The following FGF14 variants were observed in gnomAD, a reference collection of about 807,000 sequenced individuals.
FGF14 encodes the protein fibroblast growth factor 14, also known as fibroblast growth factor homologous factor 4.
In FGF14, 5 loss-of-function variants were observed where a neutral mutation model predicts 25.5. That is an observed-to-expected ratio of 0.20 (90% CI 0.10 to 0.41). FGF14 has a LOEUF of 0.41. Ranked by LOEUF, FGF14 falls within the 10% of genes least tolerant of loss-of-function variation. The pLI, the probability that FGF14 is intolerant of heterozygous loss-of-function variation, is 1.00. For missense variants in FGF14, 222 were observed against 320.1 expected (o/e 0.69, Z 2.34); for synonymous variants, 138 against 118.3 (o/e 1.17, Z -1.08).
chr13:102,086,055 T>A (rs1216881216), intron 1 of FGF14, among the ~76,000 whole-genome samples: 1 of 152,228 alleles, frequency 6.6e-6, no homozygotes, highest in Middle Eastern at 3.2e-3. Context: ...CTACTGCTTT[T>A]AAAACCCATG....
At chr13:101,948,094 G>A (rs143242938) in intron 1 of FGF14, among the ~76,000 whole-genome samples, 9 of 152,282 alleles carry the variant, frequency 5.9e-5, no homozygotes, top group Non-Finnish European at 7.4e-5. Flanking sequence ...AATTCTTAGC[G>A]TTGTAGTCAA....
intron 1 of FGF14, among the ~76,000 whole-genome samples, chr13:102,212,824 G>A (rs1226900096): frequency 1.3e-5 from 2 of 152,112 alleles, no homozygotes; most frequent in Non-Finnish European, 2.9e-5. Flanking sequence ...TACCAGCACT[G>A]CCAAGCATAG....
rs35568335 is a variant in FGF14, at chr13:102,207,624, TAA to T, written c.208+193845_208+193846del. 8.0e-3 allele frequency among the ~76,000 whole-genome samples: 741 copies of T among 92,440 alleles called. 5 individuals are homozygous for T. Among genetic ancestry groups the T allele is most frequent in the African/African-American group, 0.027 (603 of 22,678 alleles). 60.6% of individuals were successfully genotyped at this position (92,440 alleles called of 152,430 possible). The stretch of plus-strand genomic sequence containing the variant: ...TTGAGAAAAAAGGGTCAGTTTTCAT[TAA>T]AAAAAAAAAAAAAAAAAAAAGACAG... On this transcript the variant is annotated intron_variant, in intron 1 of 4. Transcript: ENST00000376131.
intron 1 of FGF14, among the ~76,000 whole-genome samples, chr13:102,283,484 G>A (rs936497970): frequency 6.6e-6 from 1 of 152,142 alleles, no homozygotes; most frequent in Non-Finnish European, 1.5e-5. Context: ...TGATCTAGAA[G>A]GAAGTGTTTT....
intron 1 of FGF14, among the ~76,000 whole-genome samples, chr13:102,099,047 G>C (rs1054657693): frequency 6.6e-6 from 1 of 152,172 alleles, no homozygotes; most frequent in Admixed American, 6.5e-5. Flanking sequence ...ATAACAGTGA[G>C]GGGCAGGGCT....
intron 3 of FGF14, among the ~76,000 whole-genome samples, chr13:101,766,229 G>C (rs1159334127): frequency 6.6e-6 from 1 of 152,136 alleles, no homozygotes; most frequent in Non-Finnish European, 1.5e-5. Flanking sequence ...AAAATGAATT[G>C]CATAGTTCCA....
intron 1 of FGF14, among the ~76,000 whole-genome samples, chr13:102,276,380 T>TATATATATATAC (rs1491317660): frequency 5.3e-5 from 7 of 131,438 alleles, no homozygotes; most frequent in African/African-American, 1.9e-4. Context: ...TATATATATA[T>TATATATATATAC]ACACATTATT....
chr13:101,958,550 T>C (rs1466555824), intron 1 of FGF14, among the ~76,000 whole-genome samples: 1 of 152,222 alleles, frequency 6.6e-6, no homozygotes, highest in Non-Finnish European at 1.5e-5. Flanking sequence ...TACACTCCAC[T>C]TGCTGCTCTT....
chr13:102,178,839 A>T (rs2048552720), intron 1 of FGF14, among the ~76,000 whole-genome samples: 2 of 152,114 alleles, frequency 1.3e-5, no homozygotes, highest in Admixed American at 6.6e-5. Context: ...CAAAAATTTT[A>T]AATTTTAAAT....
chr13:102,302,826 T>C (rs1428828573), intron 1 of FGF14, among the ~76,000 whole-genome samples: 1 of 152,200 alleles, frequency 6.6e-6, no homozygotes, highest in African/African-American at 2.4e-5. Context: ...CATTATCTTG[T>C]GCCTGCACAA....
intron 1 of FGF14, among the ~76,000 whole-genome samples, chr13:102,076,163 C>A (rs1430617058): frequency 6.6e-6 from 1 of 152,118 alleles, no homozygotes; most frequent in Admixed American, 6.6e-5. Context: ...ATGTCCTAGG[C>A]CTTCACATCC....
At chr13:102,293,293 T>C (rs1392009967) in intron 1 of FGF14, 1 of 152,228 alleles carries the variant, frequency 6.6e-6, no homozygotes, top group Non-Finnish European at 1.5e-5. Context: ...AATGAATTAA[T>C]TTATGTGAAA....
At chr13:102,157,711 G>C (rs1459098723) in intron 1 of FGF14, among the ~76,000 whole-genome samples, 2 of 151,798 alleles carry the variant, frequency 1.3e-5, no homozygotes, top group Non-Finnish European at 2.9e-5. Context: ...AAACTAAAGA[G>C]CTTCTGTTCA....
intron 3 of FGF14, among the ~76,000 whole-genome samples, chr13:101,727,546 G>A (rs1455570990): frequency 1.3e-5 from 2 of 152,116 alleles, no homozygotes; most frequent in Non-Finnish European, 2.9e-5. Flanking sequence ...TATGCTCAAT[G>A]CCATGGTCTG....
intron 1 of FGF14, among the ~76,000 whole-genome samples, chr13:102,297,467 T>C (rs2141298057): frequency 6.6e-6 from 1 of 152,282 alleles, no homozygotes. Context: ...TTAGTAGTTA[T>C]GACAAATGTA....
At chr13:101,910,053 T>C (rs2032734822) in intron 1 of FGF14, among the ~76,000 whole-genome samples, 1 of 137,534 alleles carries the variant, frequency 7.3e-6, no homozygotes. Context: ...GGAGAACACA[T>C]GGACACAGGA....
At chr13:102,402,097 A>G (rs2058713480), upstream of FGF14, 1 of 190,446 alleles carries the variant, frequency 5.3e-6, no homozygotes, top group Admixed American at 5.4e-5. Flanking sequence ...AAAAAAAGAA[A>G]AAAAAACACC....
At chr13:101,741,195 G>A (rs1472862598) in intron 3 of FGF14, among the ~76,000 whole-genome samples, 1 of 152,158 alleles carries the variant, frequency 6.6e-6, no homozygotes, top group East Asian at 1.9e-4. Context: ...AATTAGCTGG[G>A]CATGGTGGTG....
chr13:101,844,929 G>A (rs528165797), intron 3 of FGF14, among the ~76,000 whole-genome samples: 33 of 152,060 alleles, frequency 2.2e-4, no homozygotes, highest in Admixed American at 2.2e-3. Context: ...TTACAGGGAC[G>A]GGTTTAAGTC....
Sources: allele counts gnomAD v4.1 joint callset (sites outside exome capture counted in the v4.1 genomes callset), GRCh38; gene constraint gnomAD v4.1.1; transcripts MANE v1.5; gene names NCBI Gene and HGNC (gene_info 2026-07-23, HGNC 2026-07-21).